GALM: variants seen among roughly 807,000 people sequenced by gnomAD.
The protein encoded by GALM is aldose 1-epimerase.
GALM carries 43 observed loss-of-function variants against 37.4 expected under a neutral mutation model. The observed-to-expected ratio is 1.15, with a 90% confidence interval of 0.90 to 1.48. The LOEUF (loss-of-function observed/expected upper bound fraction) is 1.48. Among genes scored for constraint, GALM ranks in the 40% most tolerant of loss-of-function variants. The probability of loss-of-function intolerance (pLI) is 0.00; values close to 1 mark genes in which losing one functional copy is unlikely to be tolerated. For missense variants in GALM, 456 were observed against 419.1 expected (o/e 1.09, Z -0.77); for synonymous variants, 199 against 170.6 (o/e 1.17, Z -1.30).
In GALM at chr2:38,689,846, A is replaced by G; in HGVS notation, c.586A>G (p.Ile196Val). 6.2e-7 allele frequency: 1 copy of G among 1,611,880 alleles called. No individual in the cohort carries two copies. The highest frequency in any genetic ancestry group is 1.3e-5 in the African/African-American group (1 of 74,998). ...SPNINDHEVT[I>V]EADTYLPVDE... is the part of the protein sequence containing the mutation. ...AAATATAAATGACCATGAAGTCACC[A>G]TAGAAGCGGATACTTATTTGCCTGT... The change falls in exon 4 of 7, where the codon ATA becomes GTA. Residue 196 changes from isoleucine (I) to valine (V), a missense_variant. Physicochemically the swap from Ile to Val is conservative, Grantham distance 29. Coordinates refer to ENST00000272252, the MANE Select transcript of GALM (RefSeq NM_138801.3).
chr2:38,721,580 C>T (rs1280121193), intron 4 of GALM, among the ~76,000 whole-genome samples: 1 of 152,194 alleles, frequency 6.6e-6, no homozygotes, highest in African/African-American at 2.4e-5. Context: ...GTGGCATGAT[C>T]ATGGCTCCCT....
chr2:38,697,283 A>G (rs984496359), intron 4 of GALM, among the ~76,000 whole-genome samples: 1 of 152,098 alleles, frequency 6.6e-6, no homozygotes, highest in Admixed American at 6.5e-5. Flanking sequence ...TGATGTGACA[A>G]ATTACACAGC....
rs1666616077 is a variant in GALM, at chr2:38,731,832, G to A, written c.874G>A (p.Gly292Ser). The part of the protein sequence containing the change: ...TGNFLDGTLK[G>S]KNGAVYPKHS... ...CAACTTCCTGGATGGCACATTAAAGGGCAAGAATGGAGCTGTCTATCCCAA... is the reference window on the plus strand; with the variant it reads ...CAACTTCCTGGATGGCACATTAAAGAGCAAGAATGGAGCTGTCTATCCCAA... The change falls in exon 6 of 7, where the codon GGC (glycine) becomes AGC (serine). Residue 292 changes from glycine (G) to serine (S), a missense_variant. Transcript: ENST00000272252. 6.2e-7 allele frequency: 1 copy of A among 1,613,912 alleles called. No homozygotes were observed. Among genetic ancestry groups the A allele is most frequent in the African/African-American group, 1.3e-5 (1 of 74,878 alleles).
chr2:38,727,697 C>T (rs926136338), intron 4 of GALM, among the ~76,000 whole-genome samples: 2 of 150,242 alleles, frequency 1.3e-5, no homozygotes, highest in East Asian at 1.9e-4. Flanking sequence ...TGCACTCCAG[C>T]CCAGGCAACA....
At chr2:38,675,288 C>T (rs1057110201) in intron 1 of GALM, among the ~76,000 whole-genome samples, 1 of 151,850 alleles carries the variant, frequency 6.6e-6, no homozygotes, top group African/African-American at 2.4e-5. Context: ...GTGGCTCTCT[C>T]GAGTGATGAG....
At chr2:38,678,851 A>G (rs1246395363) in intron 2 of GALM, among the ~76,000 whole-genome samples, 1 of 152,202 alleles carries the variant, frequency 6.6e-6, no homozygotes, top group Non-Finnish European at 1.5e-5. Context: ...TCAAGTCCAT[A>G]GAGTTTGGCC....
chr2:38,725,513 G>C (rs372977323), intron 4 of GALM, among the ~76,000 whole-genome samples: 2 of 150,918 alleles, frequency 1.3e-5, no homozygotes, highest in African/African-American at 4.9e-5. Flanking sequence ...TACAGCCTGG[G>C]TAACAGAACG....
intron 4 of GALM, among the ~76,000 whole-genome samples, chr2:38,725,437 G>T (rs1338574337): frequency 1.3e-5 from 2 of 152,134 alleles, no homozygotes; most frequent in African/African-American, 4.8e-5. Context: ...TCAGGAAGCT[G>T]AGACAGGAGG....
chr2:38,703,109 T>A (rs2148444372), intron 4 of GALM, among the ~76,000 whole-genome samples: 2 of 69,806 alleles, frequency 2.9e-5, no homozygotes, highest in South Asian at 5.6e-4. Context: ...TTTTTTTTTT[T>A]TTTTTTTTTT....
At chr2:38,727,252 G>A (rs1373109382) in intron 4 of GALM, among the ~76,000 whole-genome samples, 2 of 150,400 alleles carry the variant, frequency 1.3e-5, no homozygotes, top group Admixed American at 1.3e-4. Context: ...GGAATCCTTT[G>A]TGCACTTCCC....
At chr2:38,666,470 C>A (rs1664940477) in intron 1 of GALM, 119 bp downstream of exon 1, 3 of 735,170 alleles carry the variant, frequency 4.1e-6, no homozygotes, top group Non-Finnish European at 2.2e-6. Flanking sequence ...TAGCTTGGGA[C>A]CGTCTGACTT....
intron 5 of GALM, among the ~76,000 whole-genome samples, chr2:38,730,863 G>A (rs1666593304): frequency 6.6e-6 from 1 of 151,568 alleles, no homozygotes; most frequent in Admixed American, 6.6e-5. Flanking sequence ...GGAAGTTGTA[G>A]TGAGCCGAGA....
At chr2:38,710,596 G>C (rs1448941248) in intron 4 of GALM, among the ~76,000 whole-genome samples, 1 of 152,018 alleles carries the variant, frequency 6.6e-6, no homozygotes, top group African/African-American at 2.4e-5. Flanking sequence ...GTAGAGGCAG[G>C]GTCTCACTAT....
chr2:38,685,967 C>T (rs1024798334), intron 3 of GALM, among the ~76,000 whole-genome samples: 1 of 152,194 alleles, frequency 6.6e-6, no homozygotes, highest in Non-Finnish European at 1.5e-5. Context: ...CCCATCTCGG[C>T]CTCCCAAACT....
intron 2 of GALM, among the ~76,000 whole-genome samples, chr2:38,677,814 C>CA (rs1665295592): frequency 1.3e-5 from 2 of 152,026 alleles, no homozygotes; most frequent in East Asian, 3.9e-4. Context: ...TGGACTCTTA[C>CA]ATGATAACTG....
intron 3 of GALM, among the ~76,000 whole-genome samples, chr2:38,689,102 G>A (rs1665611211): frequency 6.6e-6 from 1 of 152,188 alleles, no homozygotes; most frequent in Non-Finnish European, 1.5e-5. Context: ...TTACAGGCAT[G>A]AGCCACCGCG....
intron 4 of GALM, among the ~76,000 whole-genome samples, chr2:38,698,982 C>T (rs886710535): frequency 5.9e-5 from 9 of 152,114 alleles, no homozygotes; most frequent in Admixed American, 3.3e-4. Flanking sequence ...GGCACATCCT[C>T]GGCTCACTGC....
At chr2:38,722,259 T>C (rs550607223) in intron 4 of GALM, among the ~76,000 whole-genome samples, 2 of 151,946 alleles carry the variant, frequency 1.3e-5, no homozygotes, top group East Asian at 3.9e-4. Flanking sequence ...CCCTCCCTCC[T>C]TCTTGTGTGC....
At chr2:38,684,715 G>T (rs1008776074) in intron 3 of GALM, among the ~76,000 whole-genome samples, 1 of 152,174 alleles carries the variant, frequency 6.6e-6, no homozygotes, top group Admixed American at 6.5e-5. Context: ...GCCGAGGCAT[G>T]AGAATTGCTT....
Sources: allele counts gnomAD v4.1 joint callset (sites outside exome capture counted in the v4.1 genomes callset), GRCh38; gene constraint gnomAD v4.1.1; transcripts MANE v1.5; gene names NCBI Gene and HGNC (gene_info 2026-07-23, HGNC 2026-07-21).